Variants in KIF6 observed in about 807,000 individuals in gnomAD.
KIF6 encodes kinesin family member 6.
Under a neutral mutation model 112.7 loss-of-function variants are expected in KIF6, and 106 were observed. The observed-to-expected ratio is 0.94, with a 90% CI of 0.80 to 1.11. The LOEUF (loss-of-function observed/expected upper bound fraction) is 1.11, where lower values mean the gene tolerates loss of function less well. KIF6 is among the 50% of genes least tolerant of loss of function. The probability of loss-of-function intolerance (pLI) is 0.00; values close to 1 mark genes in which losing one functional copy is unlikely to be tolerated. For missense variants in KIF6, 929 were observed against 964.0 expected (o/e 0.96, Z 0.48); for synonymous variants, 339 against 339.9 (o/e 1.00, Z 0.03).
At chr6:39,560,981 C>T (rs778838627) in intron 10 of KIF6, among the ~76,000 whole-genome samples, 1 of 152,330 alleles carries the variant, frequency 6.6e-6, no homozygotes, top group East Asian at 1.9e-4. Flanking sequence ...GCATACACTC[C>T]TGAGATTATG....
At chr6:39,529,365 C>A (rs1382192445) in intron 13 of KIF6, among the ~76,000 whole-genome samples, 3 of 152,126 alleles carry the variant, frequency 2.0e-5, no homozygotes, top group African/African-American at 7.2e-5. Context: ...AGAGCAGAGG[C>A]AACCTATGAA....
At chr6:39,404,726 T>C (rs1318892766) in intron 15 of KIF6, among the ~76,000 whole-genome samples, 1 of 152,198 alleles carries the variant, frequency 6.6e-6, no homozygotes, top group African/African-American at 2.4e-5. Context: ...GGATTTTGAA[T>C]AGAACTGCAT....
intron 13 of KIF6, among the ~76,000 whole-genome samples, chr6:39,475,793 G>C (rs1774393669): frequency 6.6e-6 from 1 of 152,156 alleles, no homozygotes; most frequent in African/African-American, 2.4e-5. Flanking sequence ...TTTTGAGGTA[G>C]GCTTTCCTTT....
chr6:39,522,238 C>T (rs367587892), intron 13 of KIF6, among the ~76,000 whole-genome samples: 1 of 152,134 alleles, frequency 6.6e-6, no homozygotes, highest in African/African-American at 2.4e-5. Context: ...TCCCAGATAC[C>T]GTTTCAGAAT....
intron 3 of KIF6, among the ~76,000 whole-genome samples, chr6:39,640,025 C>T (rs1582338273): frequency 6.6e-6 from 1 of 152,020 alleles, no homozygotes; most frequent in East Asian, 1.9e-4. Context: ...TTAGTACACA[C>T]TGGACTTGAA....
intron 3 of KIF6, among the ~76,000 whole-genome samples, chr6:39,670,519 C>T (rs1786749934): frequency 1.3e-5 from 2 of 152,030 alleles, no homozygotes; most frequent in Admixed American, 1.3e-4. Context: ...GGTCATCATA[C>T]ATAAAGGTCT....
In KIF6 at chr6:39,454,930, G is replaced by A. The variant is rs1406038722; in HGVS notation, c.1646-23769C>T. Among the ~76,000 whole-genome samples the A allele has an allele frequency of 1.9e-3, 289 of 152,238 alleles. 3 individuals are homozygous for A. Among genetic ancestry groups the A allele is most frequent in the African/African-American group, 6.8e-3 (284 of 41,546 alleles). The stretch of plus-strand genomic sequence containing the variant: ...TCTGAGATCAAACTGCAAGGCAGCA[G>A]CGAGGCTGGGGGAGGGGCGCCCGCC... On this transcript the variant is annotated intron_variant, in intron 13 of 22. Transcript: ENST00000287152.
chr6:39,625,532 G>C (rs1784047395), intron 5 of KIF6, among the ~76,000 whole-genome samples: 1 of 152,104 alleles, frequency 6.6e-6, no homozygotes, highest in Non-Finnish European at 1.5e-5. Context: ...TCCTCAAGAG[G>C]CTGCCATTCC....
intron 10 of KIF6, among the ~76,000 whole-genome samples, chr6:39,577,184 G>C (rs563901013): frequency 3.0e-4 from 45 of 152,342 alleles, no homozygotes; most frequent in African/African-American, 1.1e-3. Context: ...TACCCCGTAG[G>C]AGTGAAAGCT....
intron 6 of KIF6, among the ~76,000 whole-genome samples, chr6:39,597,701 A>C (rs1782348857): frequency 6.6e-6 from 1 of 152,232 alleles, no homozygotes; most frequent in East Asian, 1.9e-4. Flanking sequence ...ATTGTAATCA[A>C]CCCAAGGAGG....
intron 3 of KIF6, among the ~76,000 whole-genome samples, chr6:39,680,810 T>G (rs2113771223): frequency 1.3e-5 from 2 of 152,296 alleles, no homozygotes; most frequent in South Asian, 4.1e-4. Context: ...TCCATAAACA[T>G]GTATTTAAAA....
intron 10 of KIF6, among the ~76,000 whole-genome samples, chr6:39,564,318 T>C (rs1454822434): frequency 6.6e-6 from 1 of 152,204 alleles, no homozygotes; most frequent in Admixed American, 6.5e-5. Flanking sequence ...CAGTTAATGA[T>C]AAACACAGAG....
At position 39,712,848 on chromosome 6, in the gene KIF6, T is replaced by C. The variant is rs768977539; in HGVS notation, c.251+1844A>G. On this transcript the variant is annotated intron_variant, in intron 3 of 22. Transcript: ENST00000287152. ...GAATAGCATTAGGAGAAATACCTAA[T>C]GTAAATGACGAGTTAATGGGTGCAG... Among the ~76,000 whole-genome samples the C allele has an allele frequency of 3.3e-5, 5 of 152,164 alleles. 1 individual carries two copies. Among genetic ancestry groups the C allele is most frequent in the Admixed American group, 6.5e-5 (1 of 15,286 alleles).
intron 13 of KIF6, among the ~76,000 whole-genome samples, chr6:39,515,530 A>G (rs1777032743): frequency 6.6e-6 from 1 of 152,134 alleles, no homozygotes; most frequent in African/African-American, 2.4e-5. Flanking sequence ...TCTCCTTGTC[A>G]CCACTCCTAT....
At chr6:39,370,937 T>C (rs1375899792) in intron 16 of KIF6, among the ~76,000 whole-genome samples, 1 of 152,096 alleles carries the variant, frequency 6.6e-6, no homozygotes, top group Non-Finnish European at 1.5e-5. Flanking sequence ...GTTACTACTG[T>C]GTTTCTGTTG....
At chr6:39,486,845 T>C (rs1775142840) in intron 13 of KIF6, among the ~76,000 whole-genome samples, 1 of 152,214 alleles carries the variant, frequency 6.6e-6, no homozygotes, top group Non-Finnish European at 1.5e-5. Context: ...GTTGGATTTA[T>C]AAATATCTGA....
intron 3 of KIF6, among the ~76,000 whole-genome samples, chr6:39,681,818 C>T (rs907059566): frequency 1.2e-4 from 19 of 152,150 alleles, no homozygotes; most frequent in African/African-American, 1.7e-4. Context: ...TAGCATGCCC[C>T]GTGGAATTCA....
chr6:39,618,126 T>G lies in KIF6; in HGVS notation c.510-4808A>C, dbSNP rs143865077. Reference sequence around the variant, plus strand: ...TCTTTGGTTATAAAATATAAATACTTGAAATATGTTTCTTGGGAAAGATTC... The same window carrying G: ...TCTTTGGTTATAAAATATAAATACTGGAAATATGTTTCTTGGGAAAGATTC... On this transcript the variant is annotated intron_variant, in intron 5 of 22. Transcript: ENST00000287152. Among the ~76,000 whole-genome samples the G allele has an allele frequency of 4.7e-3, 710 of 152,314 alleles. 6 individuals are homozygous for G. The highest frequency in any genetic ancestry group is 0.016 in the African/African-American group (657 of 41,564).
At chr6:39,647,183 G>C (rs1040395928) in intron 3 of KIF6, among the ~76,000 whole-genome samples, 4 of 152,152 alleles carry the variant, frequency 2.6e-5, no homozygotes, top group African/African-American at 9.7e-5. Context: ...CATGGAACTT[G>C]TAAAATTTCC....
Sources: gnomAD v4.1 joint callset for allele counts (sites outside exome capture counted in the v4.1 genomes callset) on GRCh38, gnomAD v4.1.1 for gene constraint, MANE v1.5 for transcripts, NCBI Gene and HGNC (gene_info 2026-07-23, HGNC 2026-07-21) for gene names.